Variants in PPP2R3B observed in about 807,000 individuals in gnomAD.
The protein encoded by PPP2R3B is protein phosphatase 2 regulatory subunit B''beta, also known as serine/threonine-protein phosphatase 2A regulatory subunit B'' subunit beta.
A neutral mutation model predicts 72.9 loss-of-function variants in PPP2R3B; 68 were observed. The observed-to-expected ratio is 0.93, with a 90% confidence interval of 0.77 to 1.14. The LOEUF (loss-of-function observed/expected upper bound fraction) is 1.14. Among genes scored for constraint, PPP2R3B ranks in the 50% most tolerant of loss-of-function variants. The pLI is 0.00. For synonymous variants in PPP2R3B, 466 were observed against 375.8 expected, an observed-to-expected ratio of 1.24 and a Z score of -2.78; for missense variants, 1,018 against 842.0, an observed-to-expected ratio of 1.21 and a Z score of -2.59.
chrX:369,049 C>G (rs898729155), intron 1 of PPP2R3B, among the ~76,000 whole-genome samples: 3 of 152,216 alleles, frequency 2.0e-5, no homozygotes, highest in African/African-American at 7.2e-5. Flanking sequence ...ACATTCTTTT[C>G]AACACACACA....
At position 364,519 on chromosome X, in the gene PPP2R3B, A is replaced by C. The variant is rs1315735840; in HGVS notation, c.325-2929T>G. On this transcript the variant is annotated intron_variant, in intron 1 of 12. Transcript: ENST00000390665. ...CTTCATCTCTACTAAAAAAAAAAAA[A>C]ACAAAAAAAAAAAAACAGAAAACAA... Among the ~76,000 whole-genome samples the C allele has an allele frequency of 1.4e-4, 15 of 109,354 alleles. No individual in the cohort carries two copies. The East Asian group carries it at 1.4e-3, about 10-fold the overall frequency. 71.7% of individuals were successfully genotyped at this position (109,354 alleles called of 152,430 possible).
chrX:347,863 C>T (rs1276448234), intron 2 of PPP2R3B, 170 bp from the exon 3 acceptor site: 1 of 581,270 alleles, frequency 1.7e-6, no homozygotes, highest in South Asian at 2.3e-5. Context: ...GCTTTCGCTC[C>T]AGCCTTCAAT....
intron 1 of PPP2R3B, among the ~76,000 whole-genome samples, chrX:375,207 C>T (rs2071962750): frequency 6.6e-6 from 1 of 152,238 alleles, no homozygotes; most frequent in African/African-American, 2.4e-5. Context: ...AAGTCGGCCT[C>T]TGACCCCCGG....
chrX:370,862 G>A (rs1275371238), intron 1 of PPP2R3B, among the ~76,000 whole-genome samples: 9 of 152,214 alleles, frequency 5.9e-5, no homozygotes, highest in African/African-American at 1.4e-4. Context: ...CAAGTACAGC[G>A]GGGCTGCCGC....
intron 11 of PPP2R3B, 24 bp from the exon 12 acceptor site, chrX:338,734 T>G (rs749285273): frequency 1.2e-6 from 2 of 1,611,646 alleles, no homozygotes. Context: ...ACGGGTTACG[T>G]ACACGGCGTG....
rs1374642348 is a variant in PPP2R3B at position 334,131 on chromosome X, T to G, written c.*236A>C. 6 of 413,148 alleles carry G rather than the reference T, an allele frequency of 1.5e-5. No homozygotes were observed. The highest frequency in any genetic ancestry group is 4.1e-5 in the East Asian group (1 of 24,234). The allele number at this position is 413,148 out of a possible 1,614,324, so 25.6% of individuals were successfully genotyped here. ...GTCGGGAACGGCAAGCGCCAGAGGG[T>G]GTCCGTGTGGGAACCCGTCCCATTC... On this transcript the variant is annotated 3_prime_UTR_variant, in exon 13 of 13. Transcript: ENST00000390665.
At position 341,907 on chromosome X, in the gene PPP2R3B, CTGTCTA is replaced by C; in HGVS notation, c.1055_1060del (p.Ile352_Asp353del). ...CCGTGTGACTGCTCCTGAGAAGATC[CTGTCTA>C]TCATCTTGGTAGAAAGGGCTGGAAA... On this transcript the variant is annotated inframe_deletion, in exon 8 of 13. Coordinates refer to ENST00000390665, the MANE Select transcript of PPP2R3B (RefSeq NM_013239.5). 31 of 1,612,730 alleles carry C rather than the reference CTGTCTA, an allele frequency of 1.9e-5. No individual in the cohort carries two copies. The highest frequency in any genetic ancestry group is 2.6e-5 in the Non-Finnish European group (31 of 1,179,754).
intron 2 of PPP2R3B, among the ~76,000 whole-genome samples, chrX:358,732 G>A (rs933113014): frequency 6.6e-6 from 1 of 151,048 alleles, no homozygotes; most frequent in Non-Finnish European, 1.5e-5. Flanking sequence ...GTCCTGGAAG[G>A]AAAATGACAT....
In PPP2R3B at chrX:345,595, G is replaced by T; in HGVS notation, c.957C>A (p.Ile319=). The change falls in exon 7 of 13, where the codon ATC becomes ATA. Residue 319 remains isoleucine, a synonymous_variant. Coordinates refer to ENST00000390665, the MANE Select transcript of PPP2R3B (RefSeq NM_013239.5). ...EFFSYEHFYV[I]YCKFWELDTD... ...TGTCCAGCTCCCAGAACTTGCAGTA[G>T]ATGACGTAGAAATGCTCGTACGAGA... is the stretch of plus-strand genomic sequence containing the variant. 12 of 1,613,342 alleles carry T rather than the reference G, an allele frequency of 7.4e-6. No individual in the cohort carries two copies. Among genetic ancestry groups the T allele is most frequent in the Non-Finnish European group, 1.0e-5 (12 of 1,179,568 alleles).
chrX:346,068 A>T (rs1428481113), intron 6 of PPP2R3B, 106 bp downstream of exon 6: 143 of 449,522 alleles, frequency 3.2e-4, no homozygotes, highest in African/African-American at 2.8e-3. Flanking sequence ...GGGGTGGGAG[A>T]GGGGGTGGGA....
chrX:358,625 C>A (rs1242981276), intron 2 of PPP2R3B, among the ~76,000 whole-genome samples: 2 of 152,330 alleles, frequency 1.3e-5, no homozygotes, highest in African/African-American at 4.8e-5. Flanking sequence ...ATCCAGCCAA[C>A]GGACCAGGTT....
chrX:336,769 C>T (rs6645003), intron 12 of PPP2R3B: 49,681 of 151,744 alleles, frequency 0.33, 8,382 homozygotes, highest in African/African-American at 0.39. Context: ...CCGCTGACAA[C>T]AGGAAAACAT....
At chrX:337,989 A>T (rs2070936207) in intron 12 of PPP2R3B, 1 of 156,262 alleles carries the variant, frequency 6.4e-6, no homozygotes, top group Admixed American at 6.1e-5. Flanking sequence ...ATGAATTCTT[A>T]GATATGACAC....
At position 346,684 on chromosome X, in the gene PPP2R3B, C is replaced by G; in HGVS notation, c.792+17G>C. The G allele has an allele frequency of 6.3e-7, 1 of 1,599,344 alleles. No homozygotes were observed. Among genetic ancestry groups the G allele is most frequent in the Non-Finnish European group, 8.5e-7 (1 of 1,170,986 alleles). On this transcript the variant is annotated intron_variant, in intron 5 of 12. Coordinates refer to ENST00000390665, the MANE Select transcript of PPP2R3B (RefSeq NM_013239.5). ...CGCCCCGCGCTGGAACCGACGGCCC[C>G]TCCGCTGGGGACCCACCGTGGTGAT...
At chrX:377,925 C>T (rs182135615) in intron 1 of PPP2R3B, among the ~76,000 whole-genome samples, 101 of 128,780 alleles carry the variant, frequency 7.8e-4, no homozygotes, top group Admixed American at 1.4e-3. Context: ...CCAGTGGGGC[C>T]ACCATGGGGC....
chrX:341,751 C>A, intron 8 of PPP2R3B, 132 bp downstream of exon 8: 1 of 989,060 alleles, frequency 1.0e-6, no homozygotes, highest in Non-Finnish European at 1.6e-6. Flanking sequence ...ACACGTGCCC[C>A]CCTCGCCAGG....
intron 1 of PPP2R3B, among the ~76,000 whole-genome samples, chrX:364,560 T>TA (rs1362342826): frequency 3.8e-5 from 4 of 105,840 alleles, no homozygotes; most frequent in Admixed American, 2.6e-4. Flanking sequence ...AAAAAGAGTA[T>TA]AAAAAAAATT....
Position 347,694 on chromosome X carries a change from CT to C in PPP2R3B, c.511-2del. 1 of 1,533,392 alleles carries C rather than the reference CT, an allele frequency of 6.5e-7. No individual in the cohort carries two copies. The highest frequency in any genetic ancestry group is 2.4e-5 in the East Asian group (1 of 41,320). The allele number at this position is 1,533,392 out of a possible 1,614,324, so 95.0% of individuals were successfully genotyped here. On this transcript the variant is annotated splice_acceptor_variant, in intron 2 of 12. Transcript: ENST00000390665. LOFTEE classifies it high-confidence loss of function. ...TCCAGTAGAGGGGGCAGCCGCAGGCCTGGGGCAGAGAGGGCAGGAGTGGGCA... is the reference window on the plus strand; with the variant it reads ...TCCAGTAGAGGGGGCAGCCGCAGGCCGGGGCAGAGAGGGCAGGAGTGGGCA...
intron 1 of PPP2R3B, among the ~76,000 whole-genome samples, chrX:366,427 A>G (rs369542996): frequency 2.5e-3 from 14 of 5,682 alleles, no homozygotes; most frequent in South Asian, 0.028. Context: ...CAGCTACTCG[A>G]GAGGCTGAGG....
Sources: gnomAD v4.1 joint callset for allele counts (sites outside exome capture counted in the v4.1 genomes callset) on GRCh38, gnomAD v4.1.1 for gene constraint, MANE v1.5 for transcripts, NCBI Gene and HGNC (gene_info 2026-07-23, HGNC 2026-07-21) for gene names.